Variants in SYN3 observed in about 807,000 individuals in gnomAD.
SYN3 encodes the protein synapsin III, also known as synapsin-3.
A neutral mutation model predicts 65.8 loss-of-function variants in SYN3; 35 were observed. The observed-to-expected ratio is 0.53, with a 90% CI of 0.41 to 0.70. The LOEUF (loss-of-function observed/expected upper bound fraction) is 0.70. Among genes scored for constraint, SYN3 ranks in the 30% least tolerant of loss-of-function variants. The pLI, the probability that SYN3 is intolerant of heterozygous loss-of-function variation, is 0.00. For missense variants in SYN3, 680 were observed against 749.0 expected (o/e 0.91, Z 1.08); for synonymous variants, 270 against 292.9 (o/e 0.92, Z 0.80).
intron 6 of SYN3, chr22:32,858,229 C>G (rs559657127): frequency 8.3e-6 from 13 of 1,566,276 alleles, no homozygotes; most frequent in Non-Finnish European, 1.1e-5. Context: ...GCCAGGCCCT[C>G]GGCTGGGAAG....
chr22:32,844,021 G>A (rs539328615), intron 6 of SYN3, among the ~76,000 whole-genome samples: 10 of 152,206 alleles, frequency 6.6e-5, no homozygotes, highest in African/African-American at 1.9e-4. Context: ...CTGCTCTTCC[G>A]TTGATGCTAC....
At chr22:32,662,268 CTTA>C (rs2060227157) in intron 6 of SYN3, among the ~76,000 whole-genome samples, 5 of 152,052 alleles carry the variant, frequency 3.3e-5, no homozygotes, top group Admixed American at 3.3e-4. Context: ...GCTGTCTTAT[CTTA>C]ACTCATATCC....
chr22:32,815,621 A>G (rs1366594230), intron 6 of SYN3, among the ~76,000 whole-genome samples: 1 of 152,222 alleles, frequency 6.6e-6, no homozygotes, highest in Non-Finnish European at 1.5e-5. Flanking sequence ...TAAGATCTTT[A>G]TATACATATA....
chr22:32,820,243 T>A (rs2047199346), intron 6 of SYN3, among the ~76,000 whole-genome samples: 1 of 57,734 alleles, frequency 1.7e-5, no homozygotes, highest in Admixed American at 1.3e-4. Context: ...CTTTCTCCCC[T>A]GTGTGTGTGT....
At chr22:32,811,262 G>T (rs556819830) in intron 6 of SYN3, among the ~76,000 whole-genome samples, 26 of 152,164 alleles carry the variant, frequency 1.7e-4, no homozygotes, top group South Asian at 4.1e-4. Context: ...CAAAGACTCA[G>T]GTGGAGAGGT....
chr22:32,881,469 C>T (rs2049134319), intron 4 of SYN3, among the ~76,000 whole-genome samples: 1 of 152,148 alleles, frequency 6.6e-6, no homozygotes, highest in South Asian at 2.1e-4. Flanking sequence ...TGGTAGGGCA[C>T]CCCCTCCCAA....
intron 3 of SYN3, among the ~76,000 whole-genome samples, chr22:32,940,814 C>T (rs1032851395): frequency 1.3e-5 from 2 of 152,130 alleles, no homozygotes; most frequent in African/African-American, 2.4e-5. Flanking sequence ...AGAAGTGACC[C>T]AAACAAGCCC....
chr22:32,677,626 A>G (rs1296402474), intron 6 of SYN3, among the ~76,000 whole-genome samples: 1 of 151,968 alleles, frequency 6.6e-6, no homozygotes, highest in Non-Finnish European at 1.5e-5. Context: ...GTGAAACTCC[A>G]TCTCTACTAA....
chr22:32,911,081 G>A (rs9609653), intron 4 of SYN3, among the ~76,000 whole-genome samples: 18,807 of 152,158 alleles, frequency 0.12, 1,645 homozygotes, highest in East Asian at 0.46. Context: ...CAATTTGCAC[G>A]AGGAGTTCCA....
At chr22:32,559,392 C>T (rs2058551247) in intron 7 of SYN3, among the ~76,000 whole-genome samples, 1 of 152,170 alleles carries the variant, frequency 6.6e-6, no homozygotes, top group Admixed American at 6.5e-5. Context: ...GTCAGGCAGA[C>T]ATGAGGAGGG....
rs544192497 is a variant in SYN3, at chr22:33,007,431, T to C, written c.-162-607A>G. Among the ~76,000 whole-genome samples, 82 of 152,346 alleles carry C rather than the reference T, an allele frequency of 5.4e-4. No individual in the cohort carries two copies. The South Asian group carries it at 5.4e-3, about 10-fold the overall frequency. ...TCTAATTTTCTAGAGTGCTTATTAC[T>C]ATGGACCGGCATGTCCCCCACCTCA... is the stretch of plus-strand genomic sequence containing the variant. On this transcript the variant is annotated intron_variant, in intron 1 of 13. Coordinates refer to ENST00000358763, the MANE Select transcript of SYN3 (RefSeq NM_003490.4).
At chr22:32,760,305 C>T (rs1177053697) in intron 6 of SYN3, among the ~76,000 whole-genome samples, 1 of 151,120 alleles carries the variant, frequency 6.6e-6, no homozygotes, top group Non-Finnish European at 1.5e-5. Context: ...CTGCTCCTGC[C>T]CTGCCCTTCG....
rs1389493916 is a variant in SYN3, at chr22:32,512,100, G to C, written c.*1592C>G. 6.6e-6 allele frequency among the ~76,000 whole-genome samples: 1 copy of C among 152,220 alleles called. No homozygotes were observed. The highest frequency in any genetic ancestry group is 1.5e-5 in the Non-Finnish European group (1 of 68,040). ...ATGCCCACAGAAGGAGAGGGTCTCT[G>C]GCCCTGACGTCACCACTCCAGTTTG... On this transcript the variant is annotated 3_prime_UTR_variant, in exon 14 of 14. Transcript: ENST00000358763.
At chr22:33,053,240 T>C (rs1369524351) in intron 1 of SYN3, among the ~76,000 whole-genome samples, 2 of 152,102 alleles carry the variant, frequency 1.3e-5, no homozygotes, top group African/African-American at 2.4e-5. Flanking sequence ...CTGACCAACA[T>C]GGTGAAACCC....
chr22:32,735,474 C>G (rs1569182792), intron 6 of SYN3, among the ~76,000 whole-genome samples: 2 of 152,174 alleles, frequency 1.3e-5, no homozygotes, highest in Non-Finnish European at 2.9e-5. Flanking sequence ...GTACGAATGA[C>G]CTAGTGCAGG....
intron 4 of SYN3, among the ~76,000 whole-genome samples, chr22:32,916,220 G>A (rs1006500922): frequency 1.3e-5 from 2 of 152,230 alleles, no homozygotes; most frequent in Admixed American, 6.5e-5. Flanking sequence ...ATGCAGTCAA[G>A]TGAGTCATCC....
At chr22:32,524,365 G>A (rs902945507) in intron 12 of SYN3, among the ~76,000 whole-genome samples, 9 of 152,140 alleles carry the variant, frequency 5.9e-5, no homozygotes, top group East Asian at 1.9e-4. Context: ...TAGTGCAGCC[G>A]GTGACTTAGA....
chr22:32,623,831 G>A (rs1160743425), intron 6 of SYN3, among the ~76,000 whole-genome samples: 1 of 152,138 alleles, frequency 6.6e-6, no homozygotes, highest in African/African-American at 2.4e-5. Flanking sequence ...GCTGAACTCT[G>A]TCGGAAAAAC....
chr22:32,792,093 T>C (rs564696454), intron 6 of SYN3, among the ~76,000 whole-genome samples: 1 of 152,322 alleles, frequency 6.6e-6, no homozygotes, highest in East Asian at 1.9e-4. Flanking sequence ...TGCCAGGCAC[T>C]GTGCCATGCA....
Sources: allele counts gnomAD v4.1 joint callset (sites outside exome capture counted in the v4.1 genomes callset), GRCh38; gene constraint gnomAD v4.1.1; transcripts MANE v1.5; gene names NCBI Gene and HGNC (gene_info 2026-07-23, HGNC 2026-07-21).